Variants in MAEA observed in about 807,000 individuals in gnomAD.
MAEA encodes macrophage erythroblast attacher, E3 ubiquitin ligase.
A neutral mutation model predicts 46.2 loss-of-function variants in MAEA; 22 were observed. The observed-to-expected ratio is 0.48, with a 90% CI of 0.34 to 0.68. The LOEUF (loss-of-function observed/expected upper bound fraction) is 0.68. MAEA is among the 30% of genes least tolerant of loss of function. The pLI, the probability that MAEA is intolerant of heterozygous loss-of-function variation, is 0.01. For synonymous variants in MAEA, 246 were observed against 222.6 expected (o/e 1.11, Z -0.94); for missense variants, 393 against 558.1 (o/e 0.70, Z 2.98).
At chr4:1,290,234 G>A (rs1297669775) in intron 1 of MAEA, among the ~76,000 whole-genome samples, 3 of 152,106 alleles carry the variant, frequency 2.0e-5, no homozygotes, top group African/African-American at 7.2e-5. Flanking sequence ...CCGAGCCAGC[G>A]ACGACTCTGG....
chr4:1,308,480 G>A (rs144223144), intron 1 of MAEA, among the ~76,000 whole-genome samples: 2 of 152,250 alleles, frequency 1.3e-5, no homozygotes, highest in African/African-American at 2.4e-5. Context: ...GGAGCCTTGT[G>A]CCTAACGTTC....
At chr4:1,306,503 A>G (rs77876519) in intron 1 of MAEA, among the ~76,000 whole-genome samples, 1,917 of 152,196 alleles carry the variant, frequency 0.013, 21 homozygotes, top group Non-Finnish European at 0.018. Flanking sequence ...TGATGGAGTG[A>G]GACTGTGTCT....
chr4:1,329,307 C>A, intron 5 of MAEA: 1 of 983,026 alleles, frequency 1.0e-6, no homozygotes, highest in Non-Finnish European at 1.2e-6. Flanking sequence ...GCCTGTGTTC[C>A]CCCCGCTCCG....
chr4:1,320,649 G>A (rs1193296242), intron 3 of MAEA, among the ~76,000 whole-genome samples: 1 of 150,338 alleles, frequency 6.7e-6, no homozygotes, highest in Non-Finnish European at 1.5e-5. Context: ...AATAATCAAA[G>A]CAAACGTGCA....
chr4:1,310,923 G>A (rs1305023035), intron 1 of MAEA, among the ~76,000 whole-genome samples: 1 of 152,252 alleles, frequency 6.6e-6, no homozygotes, highest in East Asian at 1.9e-4. Context: ...CCTACTTCTG[G>A]GAAGCCCAAG....
chr4:1,338,235 G>A (rs1378256702), intron 7 of MAEA, 187 bp from the exon 8 acceptor site: 2 of 537,626 alleles, frequency 3.7e-6, no homozygotes, highest in Non-Finnish European at 6.7e-6. Flanking sequence ...TCTCCACCGA[G>A]GCCTCAGTGG....
chr4:1,329,824 C>T (rs1739312050), intron 5 of MAEA: 3 of 985,434 alleles, frequency 3.0e-6, no homozygotes, highest in African/African-American at 3.5e-5. Context: ...GCGGAGAAGC[C>T]TGGCCACATG....
chr4:1,337,240 C>T (rs1712894596), intron 7 of MAEA: 1 of 539,420 alleles, frequency 1.9e-6, no homozygotes, highest in Non-Finnish European at 3.3e-6. Flanking sequence ...TCAGAGGCCG[C>T]CATGGGCATT....
chr4:1,325,076 A>C (rs1738630054), intron 4 of MAEA, among the ~76,000 whole-genome samples: 1 of 152,176 alleles, frequency 6.6e-6, no homozygotes, highest in Non-Finnish European at 1.5e-5. Flanking sequence ...CAGTTGGGGT[A>C]CACGGCTGTC....
chr4:1,321,473 T>C (rs988065522), intron 3 of MAEA, among the ~76,000 whole-genome samples: 2 of 151,572 alleles, frequency 1.3e-5, no homozygotes, highest in African/African-American at 2.4e-5. Flanking sequence ...AAACAAGAAA[T>C]CATGAAAGAA....
At chr4:1,323,575 T>C in intron 4 of MAEA, 2 of 702,524 alleles carry the variant, frequency 2.8e-6, no homozygotes, top group Non-Finnish European at 5.2e-6. Context: ...GTTTGGACCT[T>C]GGTATGGAAA....
intron 5 of MAEA, chr4:1,330,107 G>A (rs1711506688): frequency 1.0e-6 from 1 of 985,328 alleles, no homozygotes; most frequent in Non-Finnish European, 1.2e-6. Flanking sequence ...GTGGGTTTTT[G>A]CGAAATGCAA....
chr4:1,316,879 C>T (rs72501966), intron 3 of MAEA, among the ~76,000 whole-genome samples: 3,275 of 151,884 alleles, frequency 0.022, 127 homozygotes, highest in East Asian at 0.16. Context: ...ACTCCTGTCA[C>T]GCTCCTGCCC....
intron 1 of MAEA, among the ~76,000 whole-genome samples, chr4:1,294,011 TACTG>T (rs2108848780): frequency 6.6e-6 from 1 of 152,344 alleles, no homozygotes; most frequent in African/African-American, 2.4e-5. Flanking sequence ...GCGTTTGACT[TACTG>T]ACACACACAT....
intron 5 of MAEA, chr4:1,329,134 A>C: frequency 1.0e-6 from 1 of 985,600 alleles, no homozygotes; most frequent in Non-Finnish European, 1.2e-6. Flanking sequence ...TCCATCCCGG[A>C]GTCCCTCCGT....
At chr4:1,309,925 G>T in intron 1 of MAEA, 1 of 1,287,996 alleles carries the variant, frequency 7.8e-7, no homozygotes, top group Non-Finnish European at 9.9e-7. Flanking sequence ...CCGTTCCCGC[G>T]TAGAACTTGA....
chr4:1,317,003 AC>A (rs200328260), intron 3 of MAEA, among the ~76,000 whole-genome samples: 291 of 31,140 alleles, frequency 9.3e-3, no homozygotes, highest in Non-Finnish European at 0.013. Flanking sequence ...CCCCAGGCCC[AC>A]CCCGGCCCCC....
At chr4:1,333,922 CCA>C (rs1712266321) in intron 6 of MAEA, among the ~76,000 whole-genome samples, 1 of 43,296 alleles carries the variant, frequency 2.3e-5, no homozygotes, top group Non-Finnish European at 4.3e-5. Flanking sequence ...GTGCTCACCC[CCA>C]TGCCCACTCC....
intron 2 of MAEA, among the ~76,000 whole-genome samples, chr4:1,314,967 T>C (rs888033137): frequency 6.6e-6 from 1 of 152,238 alleles, no homozygotes; most frequent in African/African-American, 2.4e-5. Flanking sequence ...GGCAGCTGTG[T>C]TGGGCAGCAC....
Sources: allele counts gnomAD v4.1 joint callset (sites outside exome capture counted in the v4.1 genomes callset), GRCh38; gene constraint gnomAD v4.1.1; transcripts MANE v1.5; gene names NCBI Gene and HGNC (gene_info 2026-07-23, HGNC 2026-07-21).